PTPN11: variants seen among roughly 807,000 people sequenced by gnomAD.
PTPN11 encodes protein tyrosine phosphatase non-receptor type 11.
PTPN11 carries 6 observed loss-of-function variants against 78.8 expected under a neutral mutation model. That is an observed-to-expected ratio of 0.08 (90% CI 0.04 to 0.15). The LOEUF is 0.15. PTPN11 is among the 10% of genes least tolerant of loss of function. PTPN11 has a pLI of 1.00. For missense variants in PTPN11, 386 were observed against 744.8 expected (o/e 0.52, Z 5.61); for synonymous variants, 221 against 263.5 (o/e 0.84, Z 1.56).
chr12:112,494,905 A>T lies in PTPN11; in HGVS notation c.1599+5730A>T, dbSNP rs34072591. 3.7e-3 allele frequency among the ~76,000 whole-genome samples: 565 copies of T among 152,292 alleles called. 1 individual carries two copies. The highest frequency in any genetic ancestry group is 5.9e-3 in the Non-Finnish European group (404 of 68,026). ...ACTTTATTTTAAAATAGGGATTGTGAGATGATATTGCCCACGTGTAGGCTA... is the reference window on the plus strand; with the variant it reads ...ACTTTATTTTAAAATAGGGATTGTGTGATGATATTGCCCACGTGTAGGCTA... On this transcript the variant is annotated intron_variant, in intron 13 of 15. Transcript: ENST00000351677.
chr12:112,473,470 T>C (rs958777710), intron 7 of PTPN11, among the ~76,000 whole-genome samples: 1 of 152,128 alleles, frequency 6.6e-6, no homozygotes, highest in Non-Finnish European at 1.5e-5. Context: ...AAACACCTCC[T>C]GAGGGCTCCT....
intron 2 of PTPN11, among the ~76,000 whole-genome samples, chr12:112,448,917 A>T (rs981086635): frequency 6.7e-6 from 1 of 150,234 alleles, no homozygotes; most frequent in Non-Finnish European, 1.5e-5. Context: ...TGGGAGTTTC[A>T]CTCTTGTTGC....
intron 3 of PTPN11, among the ~76,000 whole-genome samples, chr12:112,451,958 C>G (rs2038084427): frequency 6.6e-6 from 1 of 152,068 alleles, no homozygotes; most frequent in African/African-American, 2.4e-5. Flanking sequence ...TCACTACAAC[C>G]TCCGCCTCCC....
At chr12:112,425,371 A>G (rs2037601906) in intron 1 of PTPN11, among the ~76,000 whole-genome samples, 1 of 151,880 alleles carries the variant, frequency 6.6e-6, no homozygotes, top group African/African-American at 2.4e-5. Flanking sequence ...TTTCAGCATG[A>G]CTTACTCTTT....
chr12:112,421,844 T>C (rs1021421438), intron 1 of PTPN11, among the ~76,000 whole-genome samples: 2 of 152,116 alleles, frequency 1.3e-5, no homozygotes, highest in African/African-American at 2.4e-5. Flanking sequence ...GCCAGGCTGG[T>C]CTCAAACTCC....
intron 13 of PTPN11, among the ~76,000 whole-genome samples, chr12:112,496,810 C>T (rs777710116): frequency 7.7e-4 from 117 of 152,238 alleles, no homozygotes; most frequent in Non-Finnish European, 1.3e-3. Flanking sequence ...ACACAGGTAG[C>T]GTCTCTACAC....
At chr12:112,449,101 G>A (rs540277032) in intron 2 of PTPN11, among the ~76,000 whole-genome samples, 2 of 151,386 alleles carry the variant, frequency 1.3e-5, no homozygotes, top group South Asian at 4.2e-4. Context: ...TGGCCAGGCT[G>A]GTATCGGTCT....
intron 10 of PTPN11, 163 bp from the exon 11 acceptor site, chr12:112,486,312 C>T (rs1309448806): frequency 4.8e-5 from 36 of 746,762 alleles, no homozygotes; most frequent in Admixed American, 1.1e-4. Context: ...CCAGGATTGC[C>T]CAAAAGGAGA....
intron 15 of PTPN11, among the ~76,000 whole-genome samples, chr12:112,505,465 G>A (rs1404916137): frequency 2.0e-5 from 3 of 151,814 alleles, no homozygotes; most frequent in South Asian, 2.1e-4. Flanking sequence ...TCAGGAGTTC[G>A]AGACCAGCCT....
intron 11 of PTPN11, chr12:112,486,972 A>G: frequency 8.1e-7 from 1 of 1,238,144 alleles, no homozygotes; most frequent in Non-Finnish European, 1.0e-6. Context: ...GTAGCTGTTG[A>G]CTGCTTTGTA....
chr12:112,423,993 C>T (rs1037855173), intron 1 of PTPN11, among the ~76,000 whole-genome samples: 1 of 152,120 alleles, frequency 6.6e-6, no homozygotes, highest in African/African-American at 2.4e-5. Context: ...CTCAAGCTGT[C>T]TGCCTGCCTC....
intron 3 of PTPN11, among the ~76,000 whole-genome samples, chr12:112,452,305 C>T (rs2038090230): frequency 6.6e-6 from 1 of 152,142 alleles, no homozygotes; most frequent in African/African-American, 2.4e-5. Context: ...CAGCTCACTG[C>T]AACCTCCGCC....
In PTPN11 at chr12:112,481,207, C is replaced by T. The variant is rs1477951531; in HGVS notation, c.1093-867C>T. Among the ~76,000 whole-genome samples the T allele has an allele frequency of 3.3e-5, 5 of 152,126 alleles. No individual in the cohort carries two copies. In the South Asian group the frequency reaches 6.2e-4, roughly 19 times the overall value. On this transcript the variant is annotated intron_variant, in intron 9 of 15. Transcript: ENST00000351677. ...GGCACAGAGTCCTCCTACACTGGTG[C>T]GGAAATGAAACAGACAGTCTGGCTC...
Position 112,490,241 on chromosome 12 carries a change from C to T in PTPN11, c.1599+1066C>T, listed in dbSNP as rs564875475. Among the ~76,000 whole-genome samples, 424 of 151,610 alleles carry T rather than the reference C, an allele frequency of 2.8e-3. 5 individuals carry two copies. The highest frequency in any genetic ancestry group is 9.5e-3 in the African/African-American group (394 of 41,328). ...CAAAAAGTTGCCCAAAGAGAAGGAT[C>T]TCCTAGTAAATACAAAGAGAATGTA... On this transcript the variant is annotated intron_variant, in intron 13 of 15. Coordinates refer to ENST00000351677, the MANE Select transcript of PTPN11 (RefSeq NM_002834.5).
chr12:112,486,608 G>A lies in PTPN11; in HGVS notation c.1358G>A (p.Gly453Glu). The stretch of plus-strand genomic sequence containing the variant: ...AAGCAGGAGAGCATCATGGATGCAG[G>A]GCCGGTCGTGGTGCACTGCAGGTGA... ...HHKQESIMDA[G>E]PVVVHCSAGI... The change falls in exon 11 of 16, where the codon GGG (glycine) becomes GAG (glutamate). Residue 453 changes from glycine (G) to glutamate (E), a missense_variant. Coordinates refer to ENST00000351677, the MANE Select transcript of PTPN11 (RefSeq NM_002834.5). 6.2e-7 allele frequency: 1 copy of A among 1,613,004 alleles called. No individual in the cohort carries two copies. Among genetic ancestry groups the A allele is most frequent in the South Asian group, 1.1e-5 (1 of 91,020 alleles).
chr12:112,488,390 G>A lies in PTPN11; in HGVS notation c.1380-53G>A. 3 of 1,449,822 alleles carry A rather than the reference G, an allele frequency of 2.1e-6. No homozygotes were observed. In the South Asian group the frequency reaches 3.4e-5, roughly 17 times the overall value. 89.8% of individuals were successfully genotyped at this position (1,449,822 alleles called of 1,614,324 possible). On this transcript the variant is annotated intron_variant, in intron 11 of 15. Coordinates refer to ENST00000351677, the MANE Select transcript of PTPN11 (RefSeq NM_002834.5). The stretch of plus-strand genomic sequence containing the variant: ...ATATTAATGGCTTGGTTTTGAGTCT[G>A]AAACCCCCATGAATGATTCTGTTGT...
rs1347589078 is a variant in PTPN11, at chr12:112,507,076, G to A, written c.*1284G>A. 1 of 167,428 alleles carries A rather than the reference G, an allele frequency of 6.0e-6. No homozygotes were observed. The highest frequency in any genetic ancestry group is 2.4e-5 in the African/African-American group (1 of 41,810). 10.4% of individuals were successfully genotyped at this position (167,428 alleles called of 1,614,324 possible). On this transcript the variant is annotated 3_prime_UTR_variant, in exon 16 of 16. Coordinates refer to ENST00000351677, the MANE Select transcript of PTPN11 (RefSeq NM_002834.5). ...AGCCCAGCTCAGATTCAAGAAAAGG[G>A]TGTGAAGTAGAGGTGCAGTTAAGTG...
At chr12:112,434,874 C>A (rs1234251697) in intron 1 of PTPN11, among the ~76,000 whole-genome samples, 1 of 151,824 alleles carries the variant, frequency 6.6e-6, no homozygotes. Flanking sequence ...GCAACCTTCA[C>A]CTCCCAGGTT....
At chr12:112,442,310 T>C (rs1199358102) in intron 1 of PTPN11, among the ~76,000 whole-genome samples, 1 of 152,118 alleles carries the variant, frequency 6.6e-6, no homozygotes, top group African/African-American at 2.4e-5. Context: ...CAGAAGTGTT[T>C]TGGATTTCAG....
Sources: allele counts gnomAD v4.1 joint callset (sites outside exome capture counted in the v4.1 genomes callset), GRCh38; gene constraint gnomAD v4.1.1; transcripts MANE v1.5; gene names NCBI Gene and HGNC (gene_info 2026-07-23, HGNC 2026-07-21).